The following FAAH2 variants were observed in gnomAD, a reference collection of about 807,000 sequenced individuals.
The protein encoded by FAAH2 is fatty-acid amide hydrolase 2.
A neutral mutation model predicts 36.9 loss-of-function variants in FAAH2; 60 were observed. The ratio of observed to expected loss-of-function variants is 1.63; its 90% CI spans 1.32 to 2.02. FAAH2 has a LOEUF of 2.02. Ranked by LOEUF, FAAH2 falls within the 30% of genes most tolerant of loss-of-function variation. FAAH2 has a pLI of 0.00. For missense variants in FAAH2, 689 were observed against 397.5 expected, an observed-to-expected ratio of 1.73 and a Z score of -6.23; for synonymous variants, 214 against 143.8, an observed-to-expected ratio of 1.49 and a Z score of -3.49.
intron 5 of FAAH2, among the ~76,000 whole-genome samples, chrX:57,350,683 T>A (rs1351902269): frequency 9.0e-6 from 1 of 110,900 alleles, no homozygotes; most frequent in Non-Finnish European, 1.9e-5. Context: ...CAAATGAACA[T>A]CAAAATTGGG....
the FAAH2 span, among the ~76,000 whole-genome samples, chrX:57,216,361 G>A: frequency 1.9e-5 from 2 of 104,393 alleles, no homozygotes; most frequent in Non-Finnish European, 3.9e-5. Context: ...ACATATCAGT[G>A]AGAACATACA....
chrX:57,243,832 C>T, the FAAH2 span, among the ~76,000 whole-genome samples: 1 of 110,328 alleles, frequency 9.1e-6, no homozygotes, highest in African/African-American at 3.3e-5. Flanking sequence ...AACTAGAAGG[C>T]CTCTTCTCCT....
the FAAH2 span, among the ~76,000 whole-genome samples, chrX:57,265,281 AC>A: frequency 9.0e-6 from 1 of 111,233 alleles, no homozygotes; most frequent in Non-Finnish European, 1.9e-5. Context: ...AGGTGGTTAG[AC>A]CCCTGTACAT....
intron 7 of FAAH2, among the ~76,000 whole-genome samples, chrX:57,419,893 G>C (rs1422516915): frequency 9.0e-6 from 1 of 111,702 alleles, no homozygotes; most frequent in African/African-American, 3.3e-5. Context: ...ATTGATTTTT[G>C]TATAAGGTGT....
At chrX:57,476,284 A>G (rs575421170) in intron 10 of FAAH2, among the ~76,000 whole-genome samples, 2 of 111,137 alleles carry the variant, frequency 1.8e-5, no homozygotes, top group African/African-American at 6.5e-5. Context: ...TGGGTTTCAA[A>G]GGGAATGCTT....
chrX:57,472,357 T>TA (rs886823026), intron 10 of FAAH2, among the ~76,000 whole-genome samples: 2 of 112,307 alleles, frequency 1.8e-5, no homozygotes, highest in African/African-American at 6.5e-5. Flanking sequence ...GACAAAGGGC[T>TA]AATATGCAGA....
chrX:57,276,055 C>T, the FAAH2 span, among the ~76,000 whole-genome samples: 2 of 111,469 alleles, frequency 1.8e-5, no homozygotes, highest in South Asian at 3.7e-4. Context: ...ATTGAACTCA[C>T]CTCTGCACCC....
the FAAH2 span, among the ~76,000 whole-genome samples, chrX:57,232,135 T>A: frequency 8.9e-6 from 1 of 111,833 alleles, no homozygotes; most frequent in Non-Finnish European, 1.9e-5. Flanking sequence ...GGATACTAAT[T>A]GGGGAAGAAA....
intron 4 of FAAH2, among the ~76,000 whole-genome samples, chrX:57,338,235 G>T (rs768487629): frequency 1.8e-4 from 20 of 111,538 alleles, no homozygotes; most frequent in African/African-American, 6.2e-4. Context: ...AGTCAAAGGG[G>T]GTTTGTTCTC....
chrX:57,200,605 C>T, the FAAH2 span, among the ~76,000 whole-genome samples: 3 of 111,239 alleles, frequency 2.7e-5, no homozygotes, highest in Admixed American at 2.8e-4. Context: ...TCTTGATCTC[C>T]TGACCTCATG....
chrX:57,317,050 CAAAT>C (rs1231506378), intron 3 of FAAH2, among the ~76,000 whole-genome samples: 3 of 111,733 alleles, frequency 2.7e-5, no homozygotes, highest in Admixed American at 9.6e-5. Context: ...AACTAATAAA[CAAAT>C]AACCCATTAA....
At chrX:57,439,767 C>T (rs1348750618) in intron 8 of FAAH2, among the ~76,000 whole-genome samples, 3 of 111,525 alleles carry the variant, frequency 2.7e-5, no homozygotes, top group African/African-American at 6.5e-5. Flanking sequence ...CCATCTTGAA[C>T]TAATTTTTGC....
At chrX:57,165,944 T>TA in the FAAH2 span, among the ~76,000 whole-genome samples, 38 of 110,269 alleles carry the variant, frequency 3.4e-4, no homozygotes, top group African/African-American at 1.2e-3. Context: ...CCTGTGCCTA[T>TA]AAAAAATCCC....
intron 10 of FAAH2, among the ~76,000 whole-genome samples, chrX:57,471,589 A>C (rs1034070571): frequency 8.9e-6 from 1 of 111,906 alleles, no homozygotes; most frequent in Non-Finnish European, 1.9e-5. Context: ...AACGAAATAA[A>C]AGAGGATGCA....
the FAAH2 span, among the ~76,000 whole-genome samples, chrX:57,253,639 T>A: frequency 1.8e-5 from 2 of 111,797 alleles, no homozygotes; most frequent in African/African-American, 6.5e-5. Context: ...AAAAGAATTT[T>A]CAATCCAGAA....
At chrX:57,280,380 C>T in the FAAH2 span, among the ~76,000 whole-genome samples, 1 of 110,897 alleles carries the variant, frequency 9.0e-6, no homozygotes, top group South Asian at 3.8e-4. Flanking sequence ...CAAAAAAAAT[C>T]CAATTAGAAA....
chrX:57,193,640 C>A, the FAAH2 span, among the ~76,000 whole-genome samples: 29 of 111,706 alleles, frequency 2.6e-4, no homozygotes, highest in Admixed American at 2.5e-3. Context: ...CTCTTTTGTA[C>A]TCTGTCCCTT....
chrX:57,418,031 G>T (rs1602592270), intron 7 of FAAH2, among the ~76,000 whole-genome samples: 1 of 111,409 alleles, frequency 9.0e-6, no homozygotes, highest in East Asian at 2.8e-4. Context: ...TTTACACTGA[G>T]GGGAAAACCA....
chrX:57,332,818 A>G (rs764372688), intron 4 of FAAH2, among the ~76,000 whole-genome samples: 1 of 111,982 alleles, frequency 8.9e-6, no homozygotes, highest in Non-Finnish European at 1.9e-5. Context: ...TCCAAAGCAT[A>G]CTGTTCTTCT....
Sources: gnomAD v4.1 joint callset for allele counts (sites outside exome capture counted in the v4.1 genomes callset) on GRCh38, gnomAD v4.1.1 for gene constraint, MANE v1.5 for transcripts, NCBI Gene and HGNC (gene_info 2026-07-23, HGNC 2026-07-21) for gene names.